STK10: variants seen among roughly 807,000 people sequenced by gnomAD.
STK10 encodes the protein serine/threonine-protein kinase 10.
STK10 carries 78 observed loss-of-function variants against 113.8 expected under a neutral mutation model. The ratio of observed to expected loss-of-function variants is 0.69; its 90% CI spans 0.57 to 0.83. The LOEUF is 0.83. STK10 is among the 40% of genes least tolerant of loss of function. The pLI is 0.00. For missense variants in STK10, 1,109 were observed against 1,280.1 expected (o/e 0.87, Z 2.04); for synonymous variants, 465 against 494.7 (o/e 0.94, Z 0.80).
In STK10 at chr5:172,044,826, A is replaced by G. The variant is rs1767461894; in HGVS notation, c.*56T>C. The G allele has an allele frequency of 6.2e-7, 1 of 1,612,960 alleles. No homozygotes were observed. Among genetic ancestry groups the G allele is most frequent in the African/African-American group, 1.3e-5 (1 of 74,918 alleles). Reference sequence around the variant, plus strand: ...GTCCTGAGTTACATGTTCACAGAGAATGAAGGAGAAGGCCCTGGGGCCCAC... The same window carrying G: ...GTCCTGAGTTACATGTTCACAGAGAGTGAAGGAGAAGGCCCTGGGGCCCAC... On this transcript the variant is annotated 3_prime_UTR_variant, in exon 19 of 19. Coordinates refer to ENST00000176763, the MANE Select transcript of STK10 (RefSeq NM_005990.4). The surrounding 1 kb of genome is among the most constrained non-coding windows in gnomAD (Gnocchi z 4.5).
At chr5:172,078,996 C>CA (rs553896621) in intron 12 of STK10, among the ~76,000 whole-genome samples, 192 of 152,058 alleles carry the variant, frequency 1.3e-3, no homozygotes, top group Non-Finnish European at 2.4e-3. Context: ...GCACATGTGA[C>CA]AGGGCGCAGA....
chr5:172,182,853 A>G (rs1045449393), intron 1 of STK10, among the ~76,000 whole-genome samples: 7 of 151,930 alleles, frequency 4.6e-5, no homozygotes, highest in Non-Finnish European at 7.4e-5. Context: ...CGCCCGGCCA[A>G]TTTTTTGTAT....
chr5:172,045,161 C>A, intron 18 of STK10, 139 bp from the exon 19 acceptor site: 2 of 1,297,872 alleles, frequency 1.5e-6, no homozygotes, highest in Non-Finnish European at 2.1e-6. Flanking sequence ...ACTACGGCTT[C>A]CCTATTTCCT....
intron 12 of STK10, among the ~76,000 whole-genome samples, chr5:172,068,142 A>T (rs1370698877): frequency 6.6e-6 from 1 of 152,056 alleles, no homozygotes; most frequent in Non-Finnish European, 1.5e-5. Flanking sequence ...AATTCAAGAC[A>T]AGCCTGGCCA....
intron 18 of STK10, chr5:172,045,348 C>T (rs918611451): frequency 7.8e-6 from 4 of 513,384 alleles, no homozygotes; most frequent in Non-Finnish European, 1.5e-5. Context: ...GAGAAAAACC[C>T]GAGGGAGAAG....
intron 1 of STK10, among the ~76,000 whole-genome samples, chr5:172,174,959 A>G (rs1294848453): frequency 6.6e-6 from 1 of 152,080 alleles, no homozygotes. Context: ...CTTCTCCCCA[A>G]GTCTTAGTGT....
chr5:172,100,786 C>CA lies in STK10; in HGVS notation c.871-4227dup, dbSNP rs1415247521. 2.6e-5 allele frequency among the ~76,000 whole-genome samples: 4 copies of CA among 151,752 alleles called. No individual in the cohort carries two copies. The East Asian group carries it at 5.8e-4, about 22-fold the overall frequency. ...TGGGCAACACGACGAGACTCCATTT[C>CA]AAAAAAAATAAAAATAAGAATAAAA... On this transcript the variant is annotated intron_variant, in intron 7 of 18. Transcript: ENST00000176763.
chr5:172,175,817 C>T (rs1426772905), intron 1 of STK10, among the ~76,000 whole-genome samples: 1 of 152,194 alleles, frequency 6.6e-6, no homozygotes, highest in Non-Finnish European at 1.5e-5. Flanking sequence ...GATGCAAGTC[C>T]CAGCCCTGCC....
intron 1 of STK10, among the ~76,000 whole-genome samples, chr5:172,163,305 G>A (rs1266012773): frequency 1.3e-5 from 2 of 152,164 alleles, no homozygotes; most frequent in African/African-American, 2.4e-5. Context: ...GCGAGTGGGG[G>A]TGGAGGGTAA....
intron 7 of STK10, among the ~76,000 whole-genome samples, chr5:172,103,380 A>G (rs1367347852): frequency 2.6e-5 from 4 of 152,222 alleles, no homozygotes; most frequent in Non-Finnish European, 5.9e-5. Context: ...GACGGTAAGA[A>G]TCCTCTGGCA....
intron 18 of STK10, among the ~76,000 whole-genome samples, chr5:172,051,276 C>T (rs112244724): frequency 6.6e-5 from 10 of 152,228 alleles, no homozygotes; most frequent in African/African-American, 2.4e-4. Flanking sequence ...CAGTGGTGCA[C>T]ACCTGTAGTC....
chr5:172,096,569 G>A lies in STK10; in HGVS notation c.871-9C>T. ...CTGCTGACGAAGGGATGCTGAGGGG[G>A]CAAGATGCACCCAGATTAGAACCAC... On this transcript the variant is annotated splice_polypyrimidine_tract_variant and intron_variant, in intron 7 of 18. Transcript: ENST00000176763. 1 of 1,612,296 alleles carries A rather than the reference G, an allele frequency of 6.2e-7. No individual in the cohort carries two copies. The highest frequency in any genetic ancestry group is 1.1e-5 in the South Asian group (1 of 91,084).
In STK10 at chr5:172,182,055, A is replaced by G. The variant is rs984598697; in HGVS notation, c.156+5832T>C. Among the ~76,000 whole-genome samples, 9 of 152,222 alleles carry G rather than the reference A, an allele frequency of 5.9e-5. No homozygotes were observed. The East Asian group carries it at 1.7e-3, about 29-fold the overall frequency. On this transcript the variant is annotated intron_variant, in intron 1 of 18. Coordinates refer to ENST00000176763, the MANE Select transcript of STK10 (RefSeq NM_005990.4). ...CTCGGTGGCTCACGCCTGTAATCCCAGCACTTTGGGAGGCTGAGGCGGGCG... is the reference window on the plus strand; with the variant it reads ...CTCGGTGGCTCACGCCTGTAATCCCGGCACTTTGGGAGGCTGAGGCGGGCG...
chr5:172,070,302 T>C (rs1330362248), intron 12 of STK10, among the ~76,000 whole-genome samples: 1 of 151,006 alleles, frequency 6.6e-6, no homozygotes, highest in Non-Finnish European at 1.5e-5. Flanking sequence ...TTATTTGATT[T>C]GATCATAATG....
intron 2 of STK10, among the ~76,000 whole-genome samples, chr5:172,156,126 G>A (rs895918147): frequency 3.9e-5 from 6 of 152,168 alleles, no homozygotes; most frequent in Non-Finnish European, 5.9e-5. Flanking sequence ...TGCAGCCATC[G>A]AGAAGGATCT....
rs574703794 is a variant in STK10, at chr5:172,144,724, G to A, written c.321+11900C>T. Reference sequence around the variant, plus strand: ...AGCAGGGTGAACTGAGTTCACCCATGGGCAAGGGCATCTGGAACAGAGGGA... The same window carrying A: ...AGCAGGGTGAACTGAGTTCACCCATAGGCAAGGGCATCTGGAACAGAGGGA... On this transcript the variant is annotated intron_variant, in intron 2 of 18. Transcript: ENST00000176763. 4.2e-4 allele frequency among the ~76,000 whole-genome samples: 64 copies of A among 152,238 alleles called. 1 individual carries two copies. The highest frequency in any genetic ancestry group is 1.5e-3 in the African/African-American group (63 of 41,560).
In STK10 at chr5:172,187,297, T is replaced by C. The variant is rs1770967880; in HGVS notation, c.156+590A>G. ...TCCCCCAGGCTCAGCATTCACCAGA[T>C]CCTGACCTCCCCCTCTGACCAGCCC... On this transcript the variant is annotated intron_variant, in intron 1 of 18. Coordinates refer to ENST00000176763, the MANE Select transcript of STK10 (RefSeq NM_005990.4). This position sits in a 1 kb window ranked among gnomAD's most constrained non-coding sequence, Gnocchi z 4.6. Among the ~76,000 whole-genome samples the C allele has an allele frequency of 6.6e-6, 1 of 151,870 alleles. No individual in the cohort carries two copies. The highest frequency in any genetic ancestry group is 1.5e-5 in the Non-Finnish European group (1 of 67,974).
At position 172,188,111 on chromosome 5, in the gene STK10, G is replaced by A; in HGVS notation, c.-69C>T. 4 of 1,555,846 alleles carry A rather than the reference G, an allele frequency of 2.6e-6. No homozygotes were observed. Among genetic ancestry groups the A allele is most frequent in the South Asian group, 2.4e-5 (2 of 84,676 alleles). On this transcript the variant is annotated 5_prime_UTR_variant, in exon 1 of 19. Coordinates refer to ENST00000176763, the MANE Select transcript of STK10 (RefSeq NM_005990.4). The surrounding 1 kb of genome is among the most constrained non-coding windows in gnomAD (Gnocchi z 5.6). ...CGGGCTGTGGCTTCGGCGGCCGCGA[G>A]GAGAAGGAGGAGGAGTTGGAGGACG...
At chr5:172,063,966 C>T (rs879646394) in intron 13 of STK10, among the ~76,000 whole-genome samples, 6 of 152,096 alleles carry the variant, frequency 3.9e-5, no homozygotes, top group East Asian at 1.9e-4. Context: ...CTGGGGAGGC[C>T]GGCCAGGGCA....
Sources: allele counts gnomAD v4.1 joint callset (sites outside exome capture counted in the v4.1 genomes callset), GRCh38; gene constraint gnomAD v4.1.1; non-coding constraint Gnocchi (gnomAD v3.1); transcripts MANE v1.5; gene names NCBI Gene and HGNC (gene_info 2026-07-23, HGNC 2026-07-21).